NARS1: variants seen among roughly 807,000 people sequenced by gnomAD.
NARS1 encodes asparaginyl-tRNA synthetase 1, also known as asparagine--tRNA ligase, cytoplasmic.
NARS1 carries 65 observed loss-of-function variants against 79.2 expected under a neutral mutation model. The ratio of observed to expected loss-of-function variants is 0.82; its 90% CI spans 0.67 to 1.01. The LOEUF (loss-of-function observed/expected upper bound fraction) is 1.01. Among genes scored for constraint, NARS1 ranks in the 50% least tolerant of loss-of-function variants. NARS1 has a pLI of 0.00. For missense variants in NARS1, 649 were observed against 673.8 expected, an observed-to-expected ratio of 0.96 and a Z score of 0.41; for synonymous variants, 229 against 238.8, an observed-to-expected ratio of 0.96 and a Z score of 0.38.
intron 5 of NARS1, among the ~76,000 whole-genome samples, chr18:57,612,808 A>T (rs1448692327): frequency 6.6e-6 from 1 of 152,148 alleles, no homozygotes; most frequent in African/African-American, 2.4e-5. Context: ...TATATATTAT[A>T]AAATATATAA....
chr18:57,616,947 TCAAAAA>T (rs1224275577), intron 2 of NARS1, among the ~76,000 whole-genome samples: 1 of 13,922 alleles, frequency 7.2e-5, no homozygotes, highest in African/African-American at 2.5e-4. Context: ...AGACTCTGTC[TCAAAAA>T]AAAAAAAAAA....
intron 2 of NARS1, among the ~76,000 whole-genome samples, chr18:57,617,432 T>C (rs1444583530): frequency 1.3e-5 from 2 of 150,228 alleles, no homozygotes; most frequent in Non-Finnish European, 3.0e-5. Context: ...ATTAGCCGGG[T>C]GTGGTGGCGG....
intron 6 of NARS1, among the ~76,000 whole-genome samples, chr18:57,610,462 A>G (rs2051595826): frequency 6.6e-6 from 1 of 152,094 alleles, no homozygotes; most frequent in African/African-American, 2.4e-5. Flanking sequence ...ACAGAGCGAG[A>G]CTCTGTCTCA....
chr18:57,604,446 T>C (rs185427641), intron 11 of NARS1, among the ~76,000 whole-genome samples: 154 of 151,942 alleles, frequency 1.0e-3, no homozygotes, highest in African/African-American at 3.5e-3. Flanking sequence ...GTGCTTTACA[T>C]AGACCCAGTA....
At chr18:57,610,763 A>T (rs746553365) in intron 6 of NARS1, among the ~76,000 whole-genome samples, 2 of 152,162 alleles carry the variant, frequency 1.3e-5, no homozygotes, top group Non-Finnish European at 2.9e-5. Context: ...AGAAGAGAGA[A>T]TGCAAAGAGA....
chr18:57,620,554 GA>G lies in NARS1; in HGVS notation c.93+14del. 1 of 1,565,012 alleles carries G rather than the reference GA, an allele frequency of 6.4e-7. No homozygotes were observed. The highest frequency in any genetic ancestry group is 8.7e-7 in the Non-Finnish European group (1 of 1,144,002). ...ATAAATGCAGTCTCATTTTCCTAAT[GA>G]GAAGAGACTCTACCTTTAGACCTGT... is the stretch of plus-strand genomic sequence containing the variant. On this transcript the variant is annotated intron_variant, in intron 2 of 13. Transcript: ENST00000256854.
intron 5 of NARS1, 53 bp downstream of exon 5, chr18:57,613,549 C>G (rs2051623111): frequency 6.9e-7 from 1 of 1,445,024 alleles, no homozygotes; most frequent in African/African-American, 1.4e-5. Context: ...TTTTCTTCAT[C>G]TAAGAGCAGG....
chr18:57,621,539 C>A (rs1402389864), intron 1 of NARS1, among the ~76,000 whole-genome samples, 169 bp downstream of exon 1: 2 of 152,198 alleles, frequency 1.3e-5, no homozygotes, highest in African/African-American at 4.8e-5. Flanking sequence ...CTTCAAGTCC[C>A]GGGCCCAGCA....
At chr18:57,605,389 A>G (rs1449144160) in intron 11 of NARS1, among the ~76,000 whole-genome samples, 1 of 151,488 alleles carries the variant, frequency 6.6e-6, no homozygotes, top group East Asian at 1.9e-4. Flanking sequence ...TGGGCAGATC[A>G]CGAGGTCAAG....
intron 11 of NARS1, among the ~76,000 whole-genome samples, chr18:57,605,134 A>AAAAATATAT (rs536569272): frequency 3.0e-5 from 4 of 135,216 alleles, no homozygotes; most frequent in African/African-American, 1.2e-4. Context: ...AAAAAAAAAA[A>AAAAATATAT]ATATATATAT....
At position 57,604,583 on chromosome 18, in the gene NARS1, G is replaced by A. The variant is rs139600249; in HGVS notation, c.1251+1274C>T. Among the ~76,000 whole-genome samples, 828 of 152,178 alleles carry A rather than the reference G, an allele frequency of 5.4e-3. 2 individuals carry two copies. Among genetic ancestry groups the A allele is most frequent in the Non-Finnish European group, 8.0e-3 (546 of 68,008 alleles). ...TAATGGTTAAATGCACAGGAAAGAGGGCCTAGCATAGTCTTGGAAACTTGA... is the reference window on the plus strand; with the variant it reads ...TAATGGTTAAATGCACAGGAAAGAGAGCCTAGCATAGTCTTGGAAACTTGA... On this transcript the variant is annotated intron_variant, in intron 11 of 13. Coordinates refer to ENST00000256854, the MANE Select transcript of NARS1 (RefSeq NM_004539.4).
At chr18:57,602,280 C>T in intron 13 of NARS1, 75 bp downstream of exon 13, 1 of 1,393,288 alleles carries the variant, frequency 7.2e-7, no homozygotes, top group Non-Finnish European at 9.9e-7. Context: ...TGAATTCTCC[C>T]CTTTTAAAAA....
chr18:57,615,094 G>A (rs2051637259), intron 4 of NARS1, among the ~76,000 whole-genome samples: 1 of 152,112 alleles, frequency 6.6e-6, no homozygotes, highest in Non-Finnish European at 1.5e-5. Context: ...TTAGAGCCCA[G>A]GAGGCAGAGG....
intron 11 of NARS1, among the ~76,000 whole-genome samples, chr18:57,603,258 A>G (rs1225565485): frequency 1.3e-5 from 2 of 152,128 alleles, no homozygotes; most frequent in Non-Finnish European, 2.9e-5. Context: ...CTGTGACTAG[A>G]CACAGCTCAG....
chr18:57,607,590 G>A lies in NARS1; in HGVS notation c.655C>T (p.Leu219=), dbSNP rs757582787. Residue 219 remains leucine, a synonymous_variant, in exon 8 of 14, where the codon CTG becomes TTG. Transcript: ENST00000256854. ...TCAACGTCAGACTCCTCATTGATCA[G>A]GTTGTCAGCTCCTCCAGCAGGGGCC... ...GLAPAGGADN[L]INEESDVDVQ... is the part of the protein sequence containing the mutation. 2 of 1,614,098 alleles carry A rather than the reference G, an allele frequency of 1.2e-6. No homozygotes were observed. Among genetic ancestry groups the A allele is most frequent in the Non-Finnish European group, 1.7e-6 (2 of 1,180,028 alleles).
intron 2 of NARS1, among the ~76,000 whole-genome samples, chr18:57,616,908 C>T (rs1026390774): frequency 1.6e-5 from 2 of 128,836 alleles, no homozygotes; most frequent in Non-Finnish European, 3.1e-5. Context: ...GAGATGGCAC[C>T]ACTGCACTCC....
chr18:57,603,179 T>C (rs1490793452), intron 11 of NARS1, among the ~76,000 whole-genome samples: 1 of 151,936 alleles, frequency 6.6e-6, no homozygotes, highest in Non-Finnish European at 1.5e-5. Flanking sequence ...CTTTACAGCA[T>C]ATCTCAAGCA....
chr18:57,620,936 G>A (rs572353457), intron 1 of NARS1, among the ~76,000 whole-genome samples: 1 of 152,330 alleles, frequency 6.6e-6, no homozygotes, highest in South Asian at 2.1e-4. Context: ...GGGCTTTGAA[G>A]TTGATCAGAC....
chr18:57,614,232 G>A (rs1568165754), intron 4 of NARS1, among the ~76,000 whole-genome samples: 1 of 152,200 alleles, frequency 6.6e-6, no homozygotes, highest in Admixed American at 6.5e-5. Flanking sequence ...TGGGCGTGGT[G>A]GCTCAAGCCT....
Sources: allele counts gnomAD v4.1 joint callset (sites outside exome capture counted in the v4.1 genomes callset), GRCh38; gene constraint gnomAD v4.1.1; transcripts MANE v1.5; gene names NCBI Gene and HGNC (gene_info 2026-07-23, HGNC 2026-07-21).